NTNG1: variants seen among roughly 807,000 people sequenced by gnomAD.
NTNG1 encodes the protein netrin G1, also known as netrin-G1.
In NTNG1, 16 loss-of-function variants were observed where a neutral mutation model predicts 54.0. That is an observed-to-expected ratio of 0.30 (90% CI 0.20 to 0.45). NTNG1 has a LOEUF of 0.45. Ranked by LOEUF, NTNG1 falls within the 20% of genes least tolerant of loss-of-function variation. The pLI, the probability that NTNG1 is intolerant of heterozygous loss-of-function variation, is 1.00. For synonymous variants in NTNG1, 255 were observed against 263.1 expected, an observed-to-expected ratio of 0.97 and a Z score of 0.30; for missense variants, 530 against 678.7, an observed-to-expected ratio of 0.78 and a Z score of 2.43.
At chr1:107,325,614 G>A (rs1465492816) in intron 3 of NTNG1, among the ~76,000 whole-genome samples, 1 of 151,996 alleles carries the variant, frequency 6.6e-6, no homozygotes, top group East Asian at 1.9e-4. Flanking sequence ...ACTAGAGACA[G>A]AATTGAGCAA....
intron 2 of NTNG1, among the ~76,000 whole-genome samples, chr1:107,267,472 T>TC (rs952128328): frequency 6.6e-6 from 1 of 152,312 alleles, no homozygotes. Flanking sequence ...AACCTGGGTA[T>TC]CAACTGTAGC....
chr1:107,216,250 T>C (rs1476657422), intron 2 of NTNG1, among the ~76,000 whole-genome samples: 2 of 152,198 alleles, frequency 1.3e-5, no homozygotes, highest in African/African-American at 2.4e-5. Flanking sequence ...TGTTTTCAAC[T>C]TTTCCCCATT....
intron 2 of NTNG1, among the ~76,000 whole-genome samples, chr1:107,202,161 C>A (rs756171106): frequency 1.3e-4 from 20 of 151,624 alleles, no homozygotes; most frequent in Non-Finnish European, 2.5e-4. Flanking sequence ...AGACATGTCT[C>A]ATAACTGGAC....
At chr1:107,205,627 T>C (rs6675846) in intron 2 of NTNG1, among the ~76,000 whole-genome samples, 2 of 151,332 alleles carry the variant, frequency 1.3e-5, no homozygotes, top group African/African-American at 2.4e-5. Flanking sequence ...ACTTTTTTTT[T>C]AAAAAAAACT....
Position 107,141,096 on chromosome 1 carries a change from GA to G in NTNG1, c.-569del, listed in dbSNP as rs1297029848. 6.6e-6 allele frequency: 1 copy of G among 152,538 alleles called. No individual in the cohort carries two copies. Among genetic ancestry groups the G allele is most frequent in the Non-Finnish European group, 1.5e-5 (1 of 68,080 alleles). The allele number at this position is 152,538 out of a possible 1,614,324, so 9.4% of individuals were successfully genotyped here. A position where few individuals can be genotyped will look rare whatever the true frequency, so the allele number is the denominator to read the frequency against. On this transcript the variant is annotated 5_prime_UTR_variant, in exon 1 of 8. Coordinates refer to ENST00000370068, the MANE Select transcript of NTNG1 (RefSeq NM_001113226.3). ...TTCCCCCTCTGGGTGCGGGCTCCGAGAGGGGGCGACTTGCAGGAGGCTCCCC... is the reference window on the plus strand; with the variant it reads ...TTCCCCCTCTGGGTGCGGGCTCCGAGGGGGGCGACTTGCAGGAGGCTCCCC...
intron 5 of NTNG1, among the ~76,000 whole-genome samples, chr1:107,412,584 C>T (rs673612): frequency 0.94 from 142,699 of 152,230 alleles, 67,365 homozygotes; most frequent in Non-Finnish European, 0.99. Flanking sequence ...CCTTAGAAGA[C>T]CTGTTGATCC....
At chr1:107,475,823 C>T (rs932498461) in intron 7 of NTNG1, among the ~76,000 whole-genome samples, 7 of 152,104 alleles carry the variant, frequency 4.6e-5, no homozygotes, top group African/African-American at 1.4e-4. Context: ...TTCCTGGCCT[C>T]GCTATACACA....
chr1:107,157,256 G>T (rs1157483452), intron 2 of NTNG1, among the ~76,000 whole-genome samples: 1 of 152,154 alleles, frequency 6.6e-6, no homozygotes, highest in East Asian at 1.9e-4. Flanking sequence ...AATTGAACAT[G>T]AAGTTTTTGA....
At chr1:107,398,340 A>T (rs773680894) in intron 4 of NTNG1, among the ~76,000 whole-genome samples, 1 of 152,186 alleles carries the variant, frequency 6.6e-6, no homozygotes, top group African/African-American at 2.4e-5. Context: ...TTTTAACAGA[A>T]CAACTGGGAG....
chr1:107,271,386 A>G (rs1193550433), intron 2 of NTNG1, among the ~76,000 whole-genome samples: 1 of 152,168 alleles, frequency 6.6e-6, no homozygotes, highest in Admixed American at 6.5e-5. Context: ...TAACCTCTTC[A>G]GGCCTTTATT....
chr1:107,282,443 A>G (rs1664926701), intron 2 of NTNG1, among the ~76,000 whole-genome samples: 1 of 152,166 alleles, frequency 6.6e-6, no homozygotes, highest in Admixed American at 6.6e-5. Flanking sequence ...GAGGCCCTCC[A>G]GAATTTAAAA....
At chr1:107,314,828 G>A (rs1667240186) in intron 2 of NTNG1, among the ~76,000 whole-genome samples, 1 of 152,140 alleles carries the variant, frequency 6.6e-6, no homozygotes. Flanking sequence ...ATTAAATTTA[G>A]CAAGTAATAA....
At chr1:107,369,212 A>ATTTCC (rs1311786682) in intron 3 of NTNG1, among the ~76,000 whole-genome samples, 2 of 152,212 alleles carry the variant, frequency 1.3e-5, no homozygotes, top group Non-Finnish European at 2.9e-5. Flanking sequence ...TGTTATGAAC[A>ATTTCC]TTCATGTACA....
intron 3 of NTNG1, among the ~76,000 whole-genome samples, chr1:107,381,782 A>G (rs1385157379): frequency 1.3e-5 from 2 of 152,370 alleles, no homozygotes; most frequent in South Asian, 2.1e-4. Flanking sequence ...AGGCTGGATC[A>G]TGGGCTACAT....
intron 2 of NTNG1, among the ~76,000 whole-genome samples, chr1:107,177,015 A>C (rs118046264): frequency 6.6e-6 from 1 of 152,232 alleles, no homozygotes; most frequent in East Asian, 1.9e-4. Flanking sequence ...CTGAGGAGCA[A>C]AATTGCCCCA....
chr1:107,379,660 A>C (rs910623759), intron 3 of NTNG1, among the ~76,000 whole-genome samples: 2 of 152,214 alleles, frequency 1.3e-5, no homozygotes, highest in African/African-American at 4.8e-5. Context: ...TGAAGGTGGT[A>C]ATAATGATAG....
chr1:107,352,462 C>T, intron 3 of NTNG1, among the ~76,000 whole-genome samples: 1 of 152,158 alleles, frequency 6.6e-6, no homozygotes, highest in Non-Finnish European at 1.5e-5. Flanking sequence ...AGACAATGCT[C>T]AAATGGGGAC....
intron 2 of NTNG1, among the ~76,000 whole-genome samples, chr1:107,206,347 G>A (rs1330184444): frequency 6.6e-6 from 1 of 152,016 alleles, no homozygotes; most frequent in South Asian, 2.1e-4. Context: ...AGTGTATAGT[G>A]GTGTTTCACT....
intron 5 of NTNG1, chr1:107,410,377 G>C (rs1012720562): frequency 6.6e-6 from 1 of 152,078 alleles, no homozygotes; most frequent in African/African-American, 2.4e-5. Flanking sequence ...CATCCTTTCC[G>C]ATCATCTGCT....
Sources: gnomAD v4.1 joint callset for allele counts (sites outside exome capture counted in the v4.1 genomes callset) on GRCh38, gnomAD v4.1.1 for gene constraint, MANE v1.5 for transcripts, NCBI Gene and HGNC (gene_info 2026-07-23, HGNC 2026-07-21) for gene names.